Variants in ATXN7L1 observed in about 807,000 individuals in gnomAD.
ATXN7L1 encodes ataxin 7 like 1.
A neutral mutation model predicts 70.8 loss-of-function variants in ATXN7L1; 15 were observed. That is an observed-to-expected ratio of 0.21 (90% confidence interval 0.14 to 0.33). The LOEUF is 0.33. Among genes scored for constraint, ATXN7L1 ranks in the 10% least tolerant of loss-of-function variants. The pLI is 1.00. For missense variants in ATXN7L1, 975 were observed against 1,097.1 expected (o/e 0.89, Z 1.57); for synonymous variants, 440 against 445.1 (o/e 0.99, Z 0.14).
chr7:105,713,098 G>A (rs532462886), intron 3 of ATXN7L1, among the ~76,000 whole-genome samples: 1 of 152,220 alleles, frequency 6.6e-6, no homozygotes, highest in Non-Finnish European at 1.5e-5. Flanking sequence ...CAGAGCAGGA[G>A]AGAGAGTGAT....
chr7:105,736,775 GC>G (rs922862229), intron 3 of ATXN7L1, among the ~76,000 whole-genome samples: 1 of 152,242 alleles, frequency 6.6e-6, no homozygotes, highest in African/African-American at 2.4e-5. Flanking sequence ...GGGAGTGGGG[GC>G]TGGTGCTGCC....
In ATXN7L1 at chr7:105,636,502, C is replaced by A. The variant is rs941274674; in HGVS notation, c.1202+1851G>T. Among the ~76,000 whole-genome samples the A allele has an allele frequency of 3.3e-5, 5 of 150,236 alleles. No homozygotes were observed. The Admixed American group carries it at 3.3e-4, about 10-fold the overall frequency. On this transcript the variant is annotated intron_variant, in intron 7 of 11. Coordinates refer to ENST00000419735, the MANE Select transcript of ATXN7L1 (RefSeq NM_020725.2). Reference sequence around the variant, plus strand: ...ACATTCTTTTCTCTGATTAACCTCACCCATCCTTTCCTGCTTCCTTAACAG... The same window carrying A: ...ACATTCTTTTCTCTGATTAACCTCAACCATCCTTTCCTGCTTCCTTAACAG...
chr7:105,656,156 G>A (rs922159546), intron 4 of ATXN7L1, among the ~76,000 whole-genome samples: 7 of 152,238 alleles, frequency 4.6e-5, no homozygotes, highest in Non-Finnish European at 1.0e-4. Flanking sequence ...CAGGGTTACC[G>A]AAGTGATAGC....
chr7:105,636,227 T>C (rs941125856), intron 7 of ATXN7L1, among the ~76,000 whole-genome samples: 2 of 152,134 alleles, frequency 1.3e-5, no homozygotes, highest in Admixed American at 6.5e-5. Flanking sequence ...AAACCCCATC[T>C]GTACTAAAAA....
intron 7 of ATXN7L1, among the ~76,000 whole-genome samples, chr7:105,628,355 T>C (rs1423521975): frequency 1.3e-5 from 2 of 152,006 alleles, no homozygotes; most frequent in Non-Finnish European, 2.9e-5. Flanking sequence ...TAATGAAAAA[T>C]AGGAAAAACA....
intron 3 of ATXN7L1, among the ~76,000 whole-genome samples, chr7:105,717,624 T>C (rs1794724129): frequency 6.6e-6 from 1 of 152,218 alleles, no homozygotes; most frequent in South Asian, 2.1e-4. Flanking sequence ...CCTTGATACA[T>C]CTAGTCAAAT....
intron 4 of ATXN7L1, among the ~76,000 whole-genome samples, chr7:105,650,912 C>T (rs1799737243): frequency 6.6e-6 from 1 of 152,158 alleles, no homozygotes; most frequent in African/African-American, 2.4e-5. Context: ...AATATTCTGG[C>T]AAATTTATAG....
At chr7:105,860,088 T>TTCTTTATAAGAATATAATATG (rs1816347047) in intron 2 of ATXN7L1, among the ~76,000 whole-genome samples, 1 of 144,494 alleles carries the variant, frequency 6.9e-6, no homozygotes, top group East Asian at 2.1e-4. Flanking sequence ...GCCTGTATAT[T>TTCTTTATAAGAATATAATATG]TCTTTATAAG....
intron 2 of ATXN7L1, among the ~76,000 whole-genome samples, chr7:105,812,509 C>T (rs1476457972): frequency 3.3e-5 from 5 of 152,148 alleles, no homozygotes; most frequent in African/African-American, 1.2e-4. Flanking sequence ...TTCTGTTCTC[C>T]ACAAACTTTA....
At chr7:105,845,821 A>G (rs1813947504) in intron 2 of ATXN7L1, among the ~76,000 whole-genome samples, 1 of 152,210 alleles carries the variant, frequency 6.6e-6, no homozygotes, top group Admixed American at 6.5e-5. Flanking sequence ...CTTTCAAAAA[A>G]TGATGCTGAG....
intron 2 of ATXN7L1, among the ~76,000 whole-genome samples, chr7:105,874,794 A>G (rs569588167): frequency 4.6e-5 from 7 of 152,312 alleles, no homozygotes; most frequent in South Asian, 2.1e-4. Context: ...GCTGCCTTCC[A>G]GGGTGACATC....
chr7:105,875,131 G>A (rs1818876160), intron 2 of ATXN7L1: 1 of 152,724 alleles, frequency 6.5e-6, no homozygotes, highest in African/African-American at 2.4e-5. Context: ...ACGACCATAT[G>A]TGTTTGATGC....
intron 3 of ATXN7L1, among the ~76,000 whole-genome samples, chr7:105,726,724 A>G (rs1795858763): frequency 1.3e-5 from 2 of 152,294 alleles, no homozygotes; most frequent in South Asian, 4.1e-4. Flanking sequence ...CCTACTCATC[A>G]GGAGCACATG....
At chr7:105,866,142 G>A (rs1022915295) in intron 2 of ATXN7L1, among the ~76,000 whole-genome samples, 5 of 152,078 alleles carry the variant, frequency 3.3e-5, no homozygotes, top group Non-Finnish European at 5.9e-5. Context: ...CTTGAGGTAA[G>A]GTCACGTAAC....
chr7:105,800,804 T>G (rs1204893199), intron 2 of ATXN7L1, among the ~76,000 whole-genome samples: 1 of 152,214 alleles, frequency 6.6e-6, no homozygotes, highest in African/African-American at 2.4e-5. Context: ...GTAAGGTTGC[T>G]GCTAGGATTA....
intron 2 of ATXN7L1, among the ~76,000 whole-genome samples, chr7:105,813,881 G>A (rs1221848594): frequency 1.3e-5 from 2 of 152,036 alleles, no homozygotes; most frequent in East Asian, 1.9e-4. Context: ...TGAGATAGCT[G>A]GGTGTTTTCT....
rs1410162172 is a variant in ATXN7L1, at chr7:105,614,263, C to A, written c.2071G>T (p.Ala691Ser). ...NASSALNSYQ[A>S]APPYNSLSVH... ...GACAGGCTGTTATAGGGAGGGGCCG[C>A]CTGATAGGAGTTCAAAGCAGAACTG... The change falls in exon 10 of 12, where the codon GCG becomes TCG. Residue 691 changes from alanine to serine, a missense_variant. Transcript: ENST00000419735. This position sits in a 1 kb window ranked among gnomAD's most constrained non-coding sequence, Gnocchi z 4.3. 6.4e-7 allele frequency: 1 copy of A among 1,551,714 alleles called. No individual in the cohort carries two copies. The highest frequency in any genetic ancestry group is 8.7e-7 in the Non-Finnish European group (1 of 1,147,012).
rs1423435825 is a variant in ATXN7L1, at chr7:105,627,580, G to A, written c.1203-3313C>T. On this transcript the variant is annotated intron_variant, in intron 7 of 11. Coordinates refer to ENST00000419735, the MANE Select transcript of ATXN7L1 (RefSeq NM_020725.2). ...AGAGTCTTGCTCTGTTGCCCAGGCTGGAGTGCAGTGGTGCGACCTCGGCTC... is the reference window on the plus strand; with the variant it reads ...AGAGTCTTGCTCTGTTGCCCAGGCTAGAGTGCAGTGGTGCGACCTCGGCTC... 2.7e-5 allele frequency among the ~76,000 whole-genome samples: 4 copies of A among 150,042 alleles called. No individual in the cohort carries two copies. In the East Asian group the frequency reaches 5.9e-4, roughly 22 times the overall value.
chr7:105,636,542 G>T (rs1045468844), intron 7 of ATXN7L1, among the ~76,000 whole-genome samples: 3 of 151,188 alleles, frequency 2.0e-5, no homozygotes, highest in Admixed American at 6.6e-5. Flanking sequence ...CAAACAGCTG[G>T]CATTTCTCTA....
Sources: allele counts gnomAD v4.1 joint callset (sites outside exome capture counted in the v4.1 genomes callset), GRCh38; gene constraint gnomAD v4.1.1; non-coding constraint Gnocchi (gnomAD v3.1); transcripts MANE v1.5; gene names NCBI Gene and HGNC (gene_info 2026-07-23, HGNC 2026-07-21).